PTPN21: variants seen among roughly 807,000 people sequenced by gnomAD.
PTPN21 encodes protein tyrosine phosphatase non-receptor type 21.
In PTPN21, 77 loss-of-function variants were observed where a neutral mutation model predicts 131.8. The ratio of observed to expected loss-of-function variants is 0.58; its 90% CI spans 0.49 to 0.71. The LOEUF is 0.71. Among genes scored for constraint, PTPN21 ranks in the 30% least tolerant of loss-of-function variants. The pLI, the probability that PTPN21 is intolerant of heterozygous loss-of-function variation, is 0.00. For missense variants in PTPN21, 1,552 were observed against 1,527.1 expected (o/e 1.02, Z -0.27); for synonymous variants, 715 against 621.3 (o/e 1.15, Z -2.24).
At chr14:88,474,131 CAAAAAAAA>C (rs754719071) in intron 13 of PTPN21, among the ~76,000 whole-genome samples, 1 of 46,686 alleles carries the variant, frequency 2.1e-5, no homozygotes, top group South Asian at 1.3e-3. Context: ...AGCTGAAGTC[CAAAAAAAA>C]AAAAAAAAAA....
chr14:88,502,219 C>T (rs1267156762), intron 6 of PTPN21, among the ~76,000 whole-genome samples: 2 of 152,184 alleles, frequency 1.3e-5, no homozygotes, highest in African/African-American at 2.4e-5. Context: ...GGCACCCACA[C>T]TGCAGCCATC....
At chr14:88,523,690 A>C (rs2078432874) in intron 2 of PTPN21, among the ~76,000 whole-genome samples, 1 of 149,658 alleles carries the variant, frequency 6.7e-6, no homozygotes, top group Admixed American at 6.8e-5. Context: ...GACAAAGAAA[A>C]TCCTCCAAAT....
chr14:88,494,498 C>T (rs1025255598), intron 10 of PTPN21, among the ~76,000 whole-genome samples: 2 of 151,870 alleles, frequency 1.3e-5, no homozygotes, highest in African/African-American at 4.8e-5. Flanking sequence ...GGAGATCCTG[C>T]CTCTATAAAA....
intron 14 of PTPN21, 89 bp downstream of exon 14, chr14:88,473,576 A>G: frequency 6.8e-7 from 1 of 1,466,128 alleles, no homozygotes; most frequent in Non-Finnish European, 9.2e-7. Context: ...ATTGTGTTAG[A>G]AAATTCACCA....
chr14:88,509,703 T>C (rs2078147424), intron 3 of PTPN21, among the ~76,000 whole-genome samples: 1 of 152,198 alleles, frequency 6.6e-6, no homozygotes, highest in African/African-American at 2.4e-5. Flanking sequence ...TATTCACATA[T>C]TCCATTCTAA....
chr14:88,487,325 T>C (rs1313836063), intron 10 of PTPN21, among the ~76,000 whole-genome samples: 1 of 152,204 alleles, frequency 6.6e-6, no homozygotes, highest in Non-Finnish European at 1.5e-5. Context: ...AATCACTGAT[T>C]ACAAAAATAT....
intron 2 of PTPN21, among the ~76,000 whole-genome samples, chr14:88,526,697 T>G (rs965075359): frequency 2.0e-5 from 3 of 152,044 alleles, no homozygotes; most frequent in Admixed American, 6.6e-5. Flanking sequence ...ACAGGTGGTG[T>G]TTGGTTACAT....
In PTPN21 at chr14:88,469,185, C is replaced by T. The variant is rs1191352032; in HGVS notation, c.3236-109G>A. ...GATTAAGAGGACTGCAGATAAAGAG[C>T]ACTGGGTGCCAGTGAACCAAACCCA... On this transcript the variant is annotated intron_variant, in intron 17 of 18. Coordinates refer to ENST00000556564, the MANE Select transcript of PTPN21 (RefSeq NM_007039.4). This position sits in a 1 kb window ranked among gnomAD's most constrained non-coding sequence, Gnocchi z 4.3. 38 of 1,263,524 alleles carry T rather than the reference C, an allele frequency of 3.0e-5. No individual in the cohort carries two copies. The highest frequency in any genetic ancestry group is 4.0e-5 in the Non-Finnish European group (37 of 923,676). The allele number at this position is 1,263,524 out of a possible 1,614,324, so 78.3% of individuals were successfully genotyped here.
chr14:88,494,603 T>C (rs2077876258), intron 10 of PTPN21, among the ~76,000 whole-genome samples: 1 of 152,068 alleles, frequency 6.6e-6, no homozygotes, highest in Non-Finnish European at 1.5e-5. Flanking sequence ...GTTGAGAGGC[T>C]GCTGTGAGCC....
At chr14:88,520,815 T>C (rs1053872302) in intron 2 of PTPN21, among the ~76,000 whole-genome samples, 1 of 152,176 alleles carries the variant, frequency 6.6e-6, no homozygotes, top group African/African-American at 2.4e-5. Context: ...ACGGGAAAAC[T>C]ACCTAAGTAC....
Position 88,478,959 on chromosome 14 carries a change from A to C in PTPN21, c.2472T>G (p.Ser824=). Residue 824 remains serine (S), a synonymous_variant, in exon 13 of 19, where the codon TCT becomes TCG. Coordinates refer to ENST00000556564, the MANE Select transcript of PTPN21 (RefSeq NM_007039.4). ...GCCCTTCCACGATGTTCTTCTTCCC[A>C]GAGAGAAGGTCCGACACCGGCCTTT... The part of the protein sequence containing the change: ...LKKRPVSDLL[S]GKKNIVEGLP... 6.5e-7 allele frequency: 1 copy of C among 1,529,198 alleles called. No individual in the cohort carries two copies. The allele number at this position is 1,529,198 out of a possible 1,614,324, so 94.7% of individuals were successfully genotyped here. A position where few individuals can be genotyped will look rare whatever the true frequency, so the allele number is the denominator to read the frequency against.
chr14:88,472,151 T>A lies in PTPN21; in HGVS notation c.2871+93A>T. On this transcript the variant is annotated intron_variant, in intron 15 of 18. Coordinates refer to ENST00000556564, the MANE Select transcript of PTPN21 (RefSeq NM_007039.4). ...CAATAAAAATAAATTTTAAAATATCTGAATTCTAAACAGACATGAATACAA... is the reference window on the plus strand; with the variant it reads ...CAATAAAAATAAATTTTAAAATATCAGAATTCTAAACAGACATGAATACAA... 5.4e-6 allele frequency: 4 copies of A among 739,926 alleles called. No individual in the cohort carries two copies. The South Asian group carries it at 7.2e-5, about 13-fold the overall frequency. The allele number at this position is 739,926 out of a possible 1,614,324, so 45.8% of individuals were successfully genotyped here.
At position 88,497,424 on chromosome 14, in the gene PTPN21, A is replaced by T; in HGVS notation, c.765-134T>A. 1.4e-5 allele frequency: 10 copies of T among 701,648 alleles called. No individual in the cohort carries two copies. The South Asian group carries it at 1.8e-4, about 13-fold the overall frequency. 43.5% of individuals were successfully genotyped at this position (701,648 alleles called of 1,614,324 possible). A position where few individuals can be genotyped will look rare whatever the true frequency, so the allele number is the denominator to read the frequency against. ...ACATTTTTGAGAAAAACAAAAAACA[A>T]AAAACACGAGACCAGCCTGGCCAAC... On this transcript the variant is annotated intron_variant, in intron 8 of 18. Coordinates refer to ENST00000556564, the MANE Select transcript of PTPN21 (RefSeq NM_007039.4).
At chr14:88,471,734 G>C (rs565417390) in intron 15 of PTPN21, among the ~76,000 whole-genome samples, 1 of 152,138 alleles carries the variant, frequency 6.6e-6, no homozygotes, top group Non-Finnish European at 1.5e-5. Context: ...ATGTCAGTAT[G>C]TGATGAGGAA....
chr14:88,474,144 A>C (rs1051997923), intron 13 of PTPN21, among the ~76,000 whole-genome samples: 1 of 144,342 alleles, frequency 6.9e-6, no homozygotes, highest in African/African-American at 2.8e-5. Flanking sequence ...AAAAAAAAAA[A>C]AAAAAAAAAA....
Position 88,485,162 on chromosome 14 carries a change from T to C in PTPN21, c.994-2A>G, listed in dbSNP as rs1168366848. 1.3e-6 allele frequency: 2 copies of C among 1,575,632 alleles called. No homozygotes were observed. The highest frequency in any genetic ancestry group is 2.3e-5 in the South Asian group (2 of 87,398). On this transcript the variant is annotated splice_acceptor_variant, in intron 11 of 18. Transcript: ENST00000556564. LOFTEE classifies it high-confidence loss of function. ...CATCACGTAGGGCTGGGGTTTAGGC[T>C]AAGAAATGGAGAGTTTGACACAGGG...
At chr14:88,473,046 A>C (rs913809681) in intron 14 of PTPN21, among the ~76,000 whole-genome samples, 10 of 152,158 alleles carry the variant, frequency 6.6e-5, no homozygotes, top group African/African-American at 7.2e-5. Context: ...TGTGACCCCT[A>C]ATAGATGGAA....
At chr14:88,474,622 G>T (rs1230662502) in intron 13 of PTPN21, among the ~76,000 whole-genome samples, 1 of 151,858 alleles carries the variant, frequency 6.6e-6, no homozygotes, top group Non-Finnish European at 1.5e-5. Flanking sequence ...AGATGACCCG[G>T]GTTAGATCAC....
chr14:88,532,122 A>G (rs536797446), intron 2 of PTPN21, among the ~76,000 whole-genome samples: 13 of 152,012 alleles, frequency 8.6e-5, no homozygotes, highest in African/African-American at 3.1e-4. Flanking sequence ...AAAAAAAAAA[A>G]CTGCCAACAA....
Sources: allele counts gnomAD v4.1 joint callset (sites outside exome capture counted in the v4.1 genomes callset), GRCh38; gene constraint gnomAD v4.1.1; non-coding constraint Gnocchi (gnomAD v3.1); transcripts MANE v1.5; gene names NCBI Gene and HGNC (gene_info 2026-07-23, HGNC 2026-07-21).